The following FBXL17 variants were observed in gnomAD, a reference collection of about 807,000 sequenced individuals.
FBXL17 encodes the protein F-box and leucine rich repeat protein 17, also known as F-box/LRR-repeat protein 17.
FBXL17 carries 22 observed loss-of-function variants against 66.2 expected under a neutral mutation model. That is an observed-to-expected ratio of 0.33 (90% confidence interval 0.24 to 0.47). The LOEUF (loss-of-function observed/expected upper bound fraction) is 0.47. FBXL17 is among the 20% of genes least tolerant of loss of function. The pLI, the probability that FBXL17 is intolerant of heterozygous loss-of-function variation, is 1.00. For synonymous variants in FBXL17, 474 were observed against 400.5 expected (o/e 1.18, Z -2.19); for missense variants, 878 against 948.2 (o/e 0.93, Z 0.97).
At chr5:108,076,128 T>C (rs1404729804) in intron 6 of FBXL17, among the ~76,000 whole-genome samples, 1 of 152,252 alleles carries the variant, frequency 6.6e-6, no homozygotes, top group Non-Finnish European at 1.5e-5. Context: ...CTAGATGTTT[T>C]AAGGTCACAG....
intron 4 of FBXL17, among the ~76,000 whole-genome samples, chr5:108,254,144 T>G (rs1184020500): frequency 6.6e-6 from 1 of 152,166 alleles, no homozygotes; most frequent in Non-Finnish European, 1.5e-5. Flanking sequence ...AACTTCAAAT[T>G]TAAAGAATTT....
chr5:108,000,304 G>C (rs1420447783), intron 7 of FBXL17, among the ~76,000 whole-genome samples: 1 of 152,158 alleles, frequency 6.6e-6, no homozygotes, highest in Non-Finnish European at 1.5e-5. Context: ...GGCTTCACCA[G>C]GCCAAGGTGA....
chr5:108,126,146 G>A (rs1299795057), intron 6 of FBXL17, among the ~76,000 whole-genome samples: 1 of 152,040 alleles, frequency 6.6e-6, no homozygotes, highest in Admixed American at 6.6e-5. Flanking sequence ...GTCCTAAGGT[G>A]CCCTGCTAAT....
At chr5:108,237,249 C>A (rs1296458567) in intron 4 of FBXL17, among the ~76,000 whole-genome samples, 1 of 152,182 alleles carries the variant, frequency 6.6e-6, no homozygotes, top group Non-Finnish European at 1.5e-5. Flanking sequence ...ACTACATGCA[C>A]AACACTTCAT....
chr5:108,005,276 A>C (rs191336486), intron 7 of FBXL17, among the ~76,000 whole-genome samples: 1 of 152,142 alleles, frequency 6.6e-6, no homozygotes, highest in South Asian at 2.1e-4. Flanking sequence ...AAAGTATCAG[A>C]GTCCCAGGTG....
At chr5:108,320,992 C>A (rs1374049318) in intron 4 of FBXL17, among the ~76,000 whole-genome samples, 1 of 151,784 alleles carries the variant, frequency 6.6e-6, no homozygotes, top group East Asian at 1.9e-4. Flanking sequence ...CCAACTAGTA[C>A]ACCTAGGAGA....
intron 4 of FBXL17, among the ~76,000 whole-genome samples, chr5:108,240,346 C>G (rs1755801164): frequency 6.6e-6 from 1 of 152,042 alleles, no homozygotes; most frequent in African/African-American, 2.4e-5. Flanking sequence ...AAGGTGAGTC[C>G]TAGGCCTGGC....
intron 6 of FBXL17, among the ~76,000 whole-genome samples, chr5:108,108,876 C>T (rs908131644): frequency 1.3e-5 from 2 of 149,772 alleles, no homozygotes; most frequent in Admixed American, 6.6e-5. Flanking sequence ...CTCCGCCTCC[C>T]GGGTTCAAGC....
At chr5:108,135,401 G>A (rs1222902164) in intron 6 of FBXL17, among the ~76,000 whole-genome samples, 1 of 152,122 alleles carries the variant, frequency 6.6e-6, no homozygotes, top group Non-Finnish European at 1.5e-5. Flanking sequence ...ACATGTAAAA[G>A]GGTAAGAATT....
intron 6 of FBXL17, among the ~76,000 whole-genome samples, chr5:108,027,014 C>T (rs1754851122): frequency 6.6e-6 from 1 of 152,064 alleles, no homozygotes; most frequent in African/African-American, 2.4e-5. Context: ...CCTTGAGTGT[C>T]TAACATTAAA....
At position 108,348,501 on chromosome 5, in the gene FBXL17, A is replaced by G. The variant is rs750655133; in HGVS notation, c.1404T>C (p.Asp468=). ...QLGSKCRELK[D]IHFGQCYKIS... is the part of the protein sequence containing the mutation. The stretch of plus-strand genomic sequence containing the variant: ...TCTTGTAACACTGGCCGAAATGAAT[A>G]TCTTTGAGTTCTCTGCATTTTGAGC... The change falls in exon 4 of 9, where the codon GAT becomes GAC. Residue 468 remains aspartate (D), a synonymous_variant. Coordinates refer to ENST00000542267, the MANE Select transcript of FBXL17 (RefSeq NM_001163315.3). 6 of 1,613,578 alleles carry G rather than the reference A, an allele frequency of 3.7e-6. No homozygotes were observed. The African/African-American group carries it at 8.0e-5, about 22-fold the overall frequency.
At chr5:108,285,569 ACATT>A (rs1282650463) in intron 4 of FBXL17, among the ~76,000 whole-genome samples, 1 of 151,858 alleles carries the variant, frequency 6.6e-6, no homozygotes, top group Non-Finnish European at 1.5e-5. Context: ...GTAACCACAT[ACATT>A]GTCAATGAGT....
intron 3 of FBXL17, among the ~76,000 whole-genome samples, chr5:108,354,095 T>G (rs1747809500): frequency 6.6e-6 from 1 of 152,180 alleles, no homozygotes; most frequent in African/African-American, 2.4e-5. Context: ...CTCAAAAAGT[T>G]TCCAATCTTG....
At chr5:108,005,359 C>T (rs1753885412) in intron 7 of FBXL17, among the ~76,000 whole-genome samples, 1 of 152,116 alleles carries the variant, frequency 6.6e-6, no homozygotes, top group African/African-American at 2.4e-5. Flanking sequence ...TTCATATGCC[C>T]TACCTCCTCT....
chr5:108,096,669 A>G (rs896247011), intron 6 of FBXL17, among the ~76,000 whole-genome samples: 9 of 152,180 alleles, frequency 5.9e-5, no homozygotes, highest in Non-Finnish European at 1.3e-4. Flanking sequence ...AGCTTTTCTT[A>G]TTTGTGGGGT....
chr5:108,216,979 G>A (rs1754629487), intron 5 of FBXL17, among the ~76,000 whole-genome samples: 2 of 152,254 alleles, frequency 1.3e-5, no homozygotes, highest in Admixed American at 6.5e-5. Flanking sequence ...TTCTCCTTTT[G>A]TGGGCATGGG....
In FBXL17 at chr5:108,177,715, T is replaced by A. The variant is rs555950687; in HGVS notation, c.1745+8402A>T. On this transcript the variant is annotated intron_variant, in intron 6 of 8. Coordinates refer to ENST00000542267, the MANE Select transcript of FBXL17 (RefSeq NM_001163315.3). ...CCACAAAAATGGGTTCCAGTCTTGG[T>A]TCCTCTAGTTGTGAACTATTCAACG... 1.6e-3 allele frequency among the ~76,000 whole-genome samples: 236 copies of A among 152,076 alleles called. 1 individual carries two copies. The highest frequency in any genetic ancestry group is 2.5e-3 in the Non-Finnish European group (169 of 67,980).
At chr5:108,249,399 C>T (rs946579327) in intron 4 of FBXL17, among the ~76,000 whole-genome samples, 3 of 152,158 alleles carry the variant, frequency 2.0e-5, no homozygotes, top group African/African-American at 4.8e-5. Flanking sequence ...AAAGTGAAGG[C>T]TCGTTTTATT....
intron 8 of FBXL17, chr5:107,879,482 CA>C: frequency 4.1e-6 from 4 of 985,412 alleles, no homozygotes; most frequent in Non-Finnish European, 4.8e-6. Context: ...TGCTTAGTTA[CA>C]AAGTAAGTCG....
Sources: allele counts gnomAD v4.1 joint callset (sites outside exome capture counted in the v4.1 genomes callset), GRCh38; gene constraint gnomAD v4.1.1; transcripts MANE v1.5; gene names NCBI Gene and HGNC (gene_info 2026-07-23, HGNC 2026-07-21).